TMEM196: variants seen among roughly 807,000 people sequenced by gnomAD.
TMEM196 encodes the protein transmembrane protein 196.
TMEM196 carries 17 observed loss-of-function variants against 20.0 expected under a neutral mutation model. The observed-to-expected ratio is 0.85, with a 90% CI of 0.58 to 1.27. TMEM196 has a LOEUF of 1.27. Among genes scored for constraint, TMEM196 ranks in the 50% most tolerant of loss-of-function variants. The pLI, the probability that TMEM196 is intolerant of heterozygous loss-of-function variation, is 0.00. For synonymous variants in TMEM196, 113 were observed against 88.9 expected (o/e 1.27, Z -1.52); for missense variants, 267 against 223.0 (o/e 1.20, Z -1.26).
intron 1 of TMEM196, among the ~76,000 whole-genome samples, chr7:19,739,565 C>A (rs1784516756): frequency 6.6e-6 from 1 of 152,118 alleles, no homozygotes; most frequent in East Asian, 1.9e-4. Context: ...TCAACAGACA[C>A]TGAATCTCTG....
At chr7:19,747,199 T>C (rs34030696) in intron 1 of TMEM196, among the ~76,000 whole-genome samples, 2 of 147,800 alleles carry the variant, frequency 1.4e-5, no homozygotes, top group African/African-American at 2.5e-5. Flanking sequence ...AGCTTGCAGT[T>C]AGCCGAGATC....
At chr7:19,729,589 G>A (rs1784125156) in intron 1 of TMEM196, among the ~76,000 whole-genome samples, 151 bp from the exon 2 acceptor site, 1 of 152,112 alleles carries the variant, frequency 6.6e-6, no homozygotes, top group South Asian at 2.1e-4. Context: ...TCTCATTCTA[G>A]AATAGTAAAG....
chr7:19,771,322 T>G (rs1464725757), intron 1 of TMEM196, among the ~76,000 whole-genome samples: 1 of 152,196 alleles, frequency 6.6e-6, no homozygotes, highest in African/African-American at 2.4e-5. Context: ...GAATTCAATG[T>G]TAGGATTGAA....
chr7:19,745,312 C>G (rs1784713448), intron 1 of TMEM196, among the ~76,000 whole-genome samples: 1 of 152,000 alleles, frequency 6.6e-6, no homozygotes, highest in South Asian at 2.1e-4. Flanking sequence ...ATAGGGAGGG[C>G]CAACTATTCT....
intron 1 of TMEM196, among the ~76,000 whole-genome samples, chr7:19,760,996 G>T (rs1040696299): frequency 6.6e-6 from 1 of 152,166 alleles, no homozygotes; most frequent in Admixed American, 6.5e-5. Context: ...GTGGACTACA[G>T]AGTTAAGGCC....
intron 1 of TMEM196, among the ~76,000 whole-genome samples, chr7:19,758,228 G>A (rs1785293963): frequency 6.6e-6 from 1 of 152,044 alleles, no homozygotes; most frequent in African/African-American, 2.4e-5. Flanking sequence ...GAAAATATTA[G>A]CTTCTAAAAA....
At chr7:19,727,694 A>G (rs890565873) in intron 2 of TMEM196, among the ~76,000 whole-genome samples, 2 of 152,172 alleles carry the variant, frequency 1.3e-5, no homozygotes, top group Non-Finnish European at 2.9e-5. Flanking sequence ...CAAATAATTA[A>G]TTATTGTTAT....
intron 1 of TMEM196, among the ~76,000 whole-genome samples, chr7:19,734,004 G>A (rs1226310522): frequency 1.3e-5 from 2 of 152,126 alleles, no homozygotes; most frequent in African/African-American, 4.8e-5. Context: ...AACAGCATGG[G>A]AGGATACCCT....
chr7:19,750,595 G>A (rs117430628), intron 1 of TMEM196, among the ~76,000 whole-genome samples: 3,663 of 152,092 alleles, frequency 0.024, 66 homozygotes, highest in Middle Eastern at 0.065. Context: ...GTGCTTTACC[G>A]AGACCAGGCC....
At chr7:19,724,957 AC>A (rs1783940360) in intron 3 of TMEM196, among the ~76,000 whole-genome samples, 1 of 152,244 alleles carries the variant, frequency 6.6e-6, no homozygotes, top group Non-Finnish European at 1.5e-5. Flanking sequence ...TTATGCAAGG[AC>A]AACTGTTTAA....
intron 1 of TMEM196, among the ~76,000 whole-genome samples, chr7:19,761,960 T>C (rs1785452682): frequency 6.6e-6 from 1 of 152,196 alleles, no homozygotes; most frequent in Admixed American, 6.5e-5. Flanking sequence ...TTTAATGCAT[T>C]ATGCATTGTG....
intron 1 of TMEM196, among the ~76,000 whole-genome samples, chr7:19,759,664 A>T (rs1239220548): frequency 6.6e-6 from 1 of 151,998 alleles, no homozygotes; most frequent in Non-Finnish European, 1.5e-5. Context: ...AGGCACACAC[A>T]CACATGCACA....
intron 1 of TMEM196, among the ~76,000 whole-genome samples, chr7:19,736,760 A>T (rs1784422194): frequency 6.6e-6 from 1 of 151,954 alleles, no homozygotes; most frequent in Non-Finnish European, 1.5e-5. Flanking sequence ...TTCAAGGGAG[A>T]AACATGGAGT....
intron 1 of TMEM196, among the ~76,000 whole-genome samples, chr7:19,734,090 G>A (rs572579357): frequency 2.6e-4 from 40 of 152,076 alleles, no homozygotes; most frequent in Non-Finnish European, 4.4e-4. Context: ...AAAATTTCCA[G>A]CACATAAGCA....
At chr7:19,744,807 C>T (rs1453251966) in intron 1 of TMEM196, among the ~76,000 whole-genome samples, 1 of 152,054 alleles carries the variant, frequency 6.6e-6, no homozygotes, top group African/African-American at 2.4e-5. Flanking sequence ...TACCTGAGTT[C>T]TCTCTCCCAA....
intron 1 of TMEM196, among the ~76,000 whole-genome samples, chr7:19,736,984 C>A (rs1411478741): frequency 2.0e-5 from 3 of 151,846 alleles, no homozygotes; most frequent in African/African-American, 7.3e-5. Context: ...GCATGGTACA[C>A]TATTATCTGG....
intron 1 of TMEM196, among the ~76,000 whole-genome samples, chr7:19,767,286 G>A (rs1368782410): frequency 6.6e-6 from 1 of 151,998 alleles, no homozygotes; most frequent in African/African-American, 2.4e-5. Context: ...TTGACGCATG[G>A]TATGGCCCCC....
At chr7:19,730,047 G>A (rs1350925551) in intron 1 of TMEM196, among the ~76,000 whole-genome samples, 1 of 152,108 alleles carries the variant, frequency 6.6e-6, no homozygotes, top group East Asian at 1.9e-4. Context: ...ACAAGGTCAG[G>A]AGATCGAGAC....
chr7:19,752,605 ATTTC>A (rs542308389), intron 1 of TMEM196, among the ~76,000 whole-genome samples: 6 of 150,184 alleles, frequency 4.0e-5, no homozygotes, highest in South Asian at 4.2e-4. Context: ...AATTTTATGT[ATTTC>A]TTTCTTTCTT....
Sources: gnomAD v4.1 joint callset for allele counts (sites outside exome capture counted in the v4.1 genomes callset) on GRCh38, gnomAD v4.1.1 for gene constraint, MANE v1.5 for transcripts, NCBI Gene and HGNC (gene_info 2026-07-23, HGNC 2026-07-21) for gene names.